The following RETREG1 variants were observed in gnomAD, a reference collection of about 807,000 sequenced individuals.
RETREG1 encodes the protein reticulophagy regulator 1, also known as family with sequence similarity 134 member B.
RETREG1 carries 44 observed loss-of-function variants against 54.8 expected under a neutral mutation model. That is an observed-to-expected ratio of 0.80 (90% CI 0.63 to 1.03). The LOEUF is 1.03. RETREG1 is among the 50% of genes least tolerant of loss of function. The probability of loss-of-function intolerance (pLI) is 0.00; values close to 1 mark genes in which losing one functional copy is unlikely to be tolerated. For synonymous variants in RETREG1, 217 were observed against 238.5 expected, an observed-to-expected ratio of 0.91 and a Z score of 0.83; for missense variants, 554 against 605.1, an observed-to-expected ratio of 0.92 and a Z score of 0.89.
At chr5:16,547,517 C>T (rs950713166) in intron 3 of RETREG1, among the ~76,000 whole-genome samples, 2 of 152,172 alleles carry the variant, frequency 1.3e-5, no homozygotes, top group Non-Finnish European at 2.9e-5. Context: ...GTATTAGCAA[C>T]AATGGGAATT....
chr5:16,587,245 G>T (rs1030990959), intron 1 of RETREG1, among the ~76,000 whole-genome samples: 7 of 152,188 alleles, frequency 4.6e-5, no homozygotes, highest in Non-Finnish European at 7.4e-5. Flanking sequence ...CAGAAAAAAA[G>T]TTGATGTGTA....
Position 16,474,690 on chromosome 5 carries a change from T to TTGG in RETREG1, c.*50_*51insCCA. On this transcript the variant is annotated 3_prime_UTR_variant, in exon 9 of 9. Coordinates refer to ENST00000306320, the MANE Select transcript of RETREG1 (RefSeq NM_001034850.3). ...TTTCCTTTTTTTTTTTTTTTTCTTG[T>TTGG]TTGAAATTTTTTTGGTGTTTTTTGT... The TTGG allele has an allele frequency of 6.4e-7, 1 of 1,559,828 alleles. No homozygotes were observed. Among genetic ancestry groups the TTGG allele is most frequent in the Non-Finnish European group, 8.6e-7 (1 of 1,159,250 alleles).
At chr5:16,494,300 C>T (rs944858533) in intron 3 of RETREG1, among the ~76,000 whole-genome samples, 1 of 151,922 alleles carries the variant, frequency 6.6e-6, no homozygotes, top group Admixed American at 6.6e-5. Flanking sequence ...TGGGTATGAA[C>T]CTGGGATTAT....
At chr5:16,525,839 C>T (rs1465096917) in intron 3 of RETREG1, among the ~76,000 whole-genome samples, 1 of 151,906 alleles carries the variant, frequency 6.6e-6, no homozygotes, top group East Asian at 1.9e-4. Context: ...GCACGGTAGG[C>T]CAACGGGCTG....
intron 1 of RETREG1, among the ~76,000 whole-genome samples, chr5:16,576,735 G>A (rs1327588888): frequency 6.6e-6 from 1 of 152,114 alleles, no homozygotes; most frequent in African/African-American, 2.4e-5. Flanking sequence ...ACCTGCCTCG[G>A]CCTCCCGAAG....
In RETREG1 at chr5:16,474,606, G is replaced by T; in HGVS notation, c.*135C>A. 1 of 1,049,000 alleles carries T rather than the reference G, an allele frequency of 9.5e-7. No homozygotes were observed. Among genetic ancestry groups the T allele is most frequent in the Non-Finnish European group, 1.4e-6 (1 of 726,952 alleles). The allele number at this position is 1,049,000 out of a possible 1,614,324, so 65.0% of individuals were successfully genotyped here. On this transcript the variant is annotated 3_prime_UTR_variant, in exon 9 of 9. Transcript: ENST00000306320. Reference sequence around the variant, plus strand: ...ATATATATCCAATTAATTCACTGCAGGAGGGAAAATAAAACAAATCTAAAG... The same window carrying T: ...ATATATATCCAATTAATTCACTGCATGAGGGAAAATAAAACAAATCTAAAG...
chr5:16,494,757 T>C (rs758562153), intron 3 of RETREG1, among the ~76,000 whole-genome samples: 4 of 152,114 alleles, frequency 2.6e-5, no homozygotes, highest in Non-Finnish European at 5.9e-5. Context: ...AACAGACTAA[T>C]AGAGAAAATT....
chr5:16,603,547 G>A (rs1743102610), intron 1 of RETREG1, among the ~76,000 whole-genome samples: 1 of 152,142 alleles, frequency 6.6e-6, no homozygotes, highest in Non-Finnish European at 1.5e-5. Context: ...AGTCCTGGTG[G>A]GAGAGCGGCT....
At chr5:16,498,950 A>T (rs79215048) in intron 3 of RETREG1, among the ~76,000 whole-genome samples, 2,854 of 152,020 alleles carry the variant, frequency 0.019, 34 homozygotes, top group Non-Finnish European at 0.031. Flanking sequence ...AAACTTTTCC[A>T]TTTTTTTAAA....
intron 3 of RETREG1, among the ~76,000 whole-genome samples, chr5:16,513,360 G>A (rs1047321096): frequency 1.3e-5 from 2 of 152,132 alleles, no homozygotes; most frequent in African/African-American, 4.8e-5. Context: ...GCCACAGTGG[G>A]GAAACTCCTT....
At chr5:16,527,800 ATTTTTTTTTTTT>A (rs386403108) in intron 3 of RETREG1, among the ~76,000 whole-genome samples, 744 of 66,288 alleles carry the variant, frequency 0.011, 28 homozygotes, top group African/African-American at 0.04. Flanking sequence ...AGGGACTCTA[ATTTTTTTTTTTT>A]TTTTTTTTTT....
At chr5:16,500,276 T>C (rs1739651040) in intron 3 of RETREG1, among the ~76,000 whole-genome samples, 1 of 152,200 alleles carries the variant, frequency 6.6e-6, no homozygotes, top group Non-Finnish European at 1.5e-5. Flanking sequence ...TGTAATGCAT[T>C]GCTACATCCA....
At chr5:16,529,508 T>A (rs1347922545) in intron 3 of RETREG1, among the ~76,000 whole-genome samples, 1 of 152,198 alleles carries the variant, frequency 6.6e-6, no homozygotes, top group East Asian at 1.9e-4. Context: ...GTCATATAAT[T>A]AGCTTCTTAT....
chr5:16,541,719 G>A (rs1207562169), intron 3 of RETREG1, among the ~76,000 whole-genome samples: 1 of 138,194 alleles, frequency 7.2e-6, no homozygotes, highest in Non-Finnish European at 1.5e-5. Context: ...GAAGAAAAGA[G>A]AAGAGAAGAG....
At chr5:16,558,603 G>C (rs1397883792) in intron 3 of RETREG1, among the ~76,000 whole-genome samples, 1 of 152,180 alleles carries the variant, frequency 6.6e-6, no homozygotes, top group Non-Finnish European at 1.5e-5. Context: ...CAAATATGAT[G>C]CCTTATTAAC....
At chr5:16,544,481 A>G (rs1741336805) in intron 3 of RETREG1, among the ~76,000 whole-genome samples, 3 of 152,192 alleles carry the variant, frequency 2.0e-5, no homozygotes. Context: ...ATTGTATCTA[A>G]GAAATCTTTC....
intron 2 of RETREG1, among the ~76,000 whole-genome samples, chr5:16,568,517 C>G (rs933334443): frequency 1.3e-5 from 2 of 152,156 alleles, no homozygotes; most frequent in Admixed American, 6.5e-5. Flanking sequence ...AAGTGATCCA[C>G]CTGCCTCGGC....
intron 3 of RETREG1, among the ~76,000 whole-genome samples, chr5:16,526,949 T>C (rs1222856044): frequency 1.3e-5 from 2 of 152,178 alleles, no homozygotes; most frequent in African/African-American, 4.8e-5. Flanking sequence ...CACTTCCTCC[T>C]AGGGTGAGCC....
intron 1 of RETREG1, among the ~76,000 whole-genome samples, chr5:16,592,154 C>G (rs1283039484): frequency 6.6e-6 from 1 of 152,176 alleles, no homozygotes; most frequent in East Asian, 1.9e-4. Context: ...TCAACTACAT[C>G]AGAACTTCAA....
Sources: allele counts gnomAD v4.1 joint callset (sites outside exome capture counted in the v4.1 genomes callset), GRCh38; gene constraint gnomAD v4.1.1; transcripts MANE v1.5; gene names NCBI Gene and HGNC (gene_info 2026-07-23, HGNC 2026-07-21).